The following WDTC1 variants were observed in gnomAD, a reference collection of about 807,000 sequenced individuals.
WDTC1 encodes the protein WD and tetratricopeptide repeats 1.
In WDTC1, 12 loss-of-function variants were observed where a neutral mutation model predicts 76.0. The ratio of observed to expected loss-of-function variants is 0.16; its 90% CI spans 0.10 to 0.26. The LOEUF is 0.26. Ranked by LOEUF, WDTC1 falls within the 10% of genes least tolerant of loss-of-function variation. WDTC1 has a pLI of 1.00. For synonymous variants in WDTC1, 326 were observed against 350.8 expected (o/e 0.93, Z 0.79); for missense variants, 511 against 908.8 (o/e 0.56, Z 5.63).
At chr1:27,239,478 C>T (rs1010635178) in intron 1 of WDTC1, among the ~76,000 whole-genome samples, 6 of 141,474 alleles carry the variant, frequency 4.2e-5, no homozygotes, top group East Asian at 2.1e-4. Context: ...GCCAAGACTG[C>T]GCTACTGAAC....
At chr1:27,288,972 G>A (rs1473566117) in intron 6 of WDTC1, among the ~76,000 whole-genome samples, 2 of 101,134 alleles carry the variant, frequency 2.0e-5, no homozygotes, top group Non-Finnish European at 4.5e-5. Flanking sequence ...GGCTGGCCGG[G>A]CGGGGGGCTG....
At chr1:27,241,903 T>G (rs945134512) in intron 1 of WDTC1, among the ~76,000 whole-genome samples, 4 of 151,612 alleles carry the variant, frequency 2.6e-5, no homozygotes, top group Middle Eastern at 3.4e-3. Context: ...TTTTTTTGTT[T>G]TTTTTTTTTT....
intron 1 of WDTC1, among the ~76,000 whole-genome samples, chr1:27,242,171 G>A (rs2011648491): frequency 1.3e-5 from 2 of 151,866 alleles, no homozygotes; most frequent in Non-Finnish European, 2.9e-5. Flanking sequence ...GGATTACGGG[G>A]ATGAGCCACC....
In WDTC1 at chr1:27,297,946, T is replaced by C. The variant is rs770633972; in HGVS notation, c.1067T>C (p.Val356Ala). 2 of 1,610,366 alleles carry C rather than the reference T, an allele frequency of 1.2e-6. No individual in the cohort carries two copies. Among genetic ancestry groups the C allele is most frequent in the Non-Finnish European group, 1.7e-6 (2 of 1,177,640 alleles). ...CTCTATTTCCCCTGCAGCCCCCAAGTAGAGCTACCACCATACCTGGAGCGT... is the reference window on the plus strand; with the variant it reads ...CTCTATTTCCCCTGCAGCCCCCAAGCAGAGCTACCACCATACCTGGAGCGT... ...PESRGHVSPQ[V>A]ELPPYLERVK... Residue 356 changes from valine (V) to alanine (A), a missense_variant, in exon 12 of 16, where the codon GTA becomes GCA. By Grantham distance (64) the Val-to-Ala change is moderately conservative. Transcript: ENST00000319394.
At chr1:27,278,880 T>C (rs2013109698) in intron 3 of WDTC1, among the ~76,000 whole-genome samples, 1 of 151,830 alleles carries the variant, frequency 6.6e-6, no homozygotes, top group Admixed American at 6.6e-5. Context: ...AAGGCCAACA[T>C]GGCAAAACCC....
chr1:27,272,063 T>C (rs1570961469), intron 3 of WDTC1, among the ~76,000 whole-genome samples: 1 of 150,430 alleles, frequency 6.6e-6, no homozygotes, highest in African/African-American at 2.4e-5. Flanking sequence ...CTGGCCAACA[T>C]GGTGAAACCC....
At chr1:27,304,830 G>A in intron 14 of WDTC1, 171 bp from the exon 15 acceptor site, 1 of 617,074 alleles carries the variant, frequency 1.6e-6, no homozygotes, top group Non-Finnish European at 2.7e-6. Flanking sequence ...AGAGAACAGT[G>A]ACCAGGGCTA....
At chr1:27,257,991 A>G (rs960217816) in intron 1 of WDTC1, among the ~76,000 whole-genome samples, 2 of 151,922 alleles carry the variant, frequency 1.3e-5, no homozygotes, top group Non-Finnish European at 2.9e-5. Context: ...GGGTTTCACC[A>G]TATTGGCCAG....
intron 1 of WDTC1, among the ~76,000 whole-genome samples, chr1:27,253,334 C>CTTCTTCTTCTTTCTTCTTTCTTCT (rs1557481290): frequency 2.1e-4 from 32 of 150,646 alleles, no homozygotes; most frequent in Non-Finnish European, 3.4e-4. Flanking sequence ...TCTGTTTCTG[C>CTTCTTCTTCTTTCTTCTTTCTTCT]TTCTTCTTCT....
intron 5 of WDTC1, among the ~76,000 whole-genome samples, chr1:27,284,482 C>T (rs1015747838): frequency 8.5e-5 from 13 of 152,274 alleles, no homozygotes; most frequent in Non-Finnish European, 1.6e-4. Context: ...TTTTCCTAAA[C>T]CCTTTTTTCT....
chr1:27,254,355 G>C lies in WDTC1; in HGVS notation c.-99-6601G>C, dbSNP rs141665043. ...CTCACGCCTGTAATCCCAGCACTTT[G>C]GGAAGTAAAGGCAGGTGGATCAATT... On this transcript the variant is annotated intron_variant, in intron 1 of 15. Transcript: ENST00000319394. Among the ~76,000 whole-genome samples, 274 of 152,198 alleles carry C rather than the reference G, an allele frequency of 1.8e-3. 2 individuals carry two copies. Among genetic ancestry groups the C allele is most frequent in the African/African-American group, 6.4e-3 (266 of 41,548 alleles).
intron 3 of WDTC1, among the ~76,000 whole-genome samples, chr1:27,268,280 C>T (rs1012934331): frequency 6.6e-6 from 1 of 151,906 alleles, no homozygotes; most frequent in African/African-American, 2.4e-5. Context: ...TGTCTCTATA[C>T]CATCAAAAAT....
intron 9 of WDTC1, among the ~76,000 whole-genome samples, chr1:27,295,540 G>A (rs960047255): frequency 6.6e-6 from 1 of 151,182 alleles, no homozygotes; most frequent in African/African-American, 2.4e-5. Context: ...TGCAACCTCC[G>A]CTCTGCCTCC....
intron 6 of WDTC1, among the ~76,000 whole-genome samples, chr1:27,288,850 T>A (rs1362644789): frequency 2.6e-5 from 4 of 152,128 alleles, no homozygotes; most frequent in African/African-American, 9.7e-5. Context: ...TGGCCCGTTC[T>A]CAATGAGCTG....
intron 10 of WDTC1, 87 bp downstream of exon 10, chr1:27,296,488 T>A (rs2013688901): frequency 7.1e-7 from 1 of 1,409,714 alleles, no homozygotes; most frequent in Non-Finnish European, 1.0e-6. Context: ...TGCCCTTTAC[T>A]CTGGACCGTG....
chr1:27,286,933 C>A (rs182858565), intron 5 of WDTC1, among the ~76,000 whole-genome samples: 1 of 152,128 alleles, frequency 6.6e-6, no homozygotes, highest in East Asian at 2.0e-4. Flanking sequence ...GAGGCCAAGG[C>A]AGGTGGATCA....
intron 3 of WDTC1, among the ~76,000 whole-genome samples, chr1:27,278,249 C>T (rs1391766377): frequency 6.6e-6 from 1 of 152,120 alleles, no homozygotes; most frequent in Non-Finnish European, 1.5e-5. Flanking sequence ...TCTAGTGATT[C>T]AATGGTAGAA....
At chr1:27,244,458 C>T (rs546271128) in intron 1 of WDTC1, among the ~76,000 whole-genome samples, 1 of 152,274 alleles carries the variant, frequency 6.6e-6, no homozygotes, top group South Asian at 2.1e-4. Context: ...CCTCCTGCCT[C>T]AGCCTTCCTA....
intron 1 of WDTC1, among the ~76,000 whole-genome samples, chr1:27,258,529 C>CAAAA (rs113977595): frequency 0.022 from 2,611 of 120,886 alleles, 88 homozygotes; most frequent in Admixed American, 0.05. Flanking sequence ...AAGACTCTGC[C>CAAAA]AAAAAAAAAA....
Sources: gnomAD v4.1 joint callset for allele counts (sites outside exome capture counted in the v4.1 genomes callset) on GRCh38, gnomAD v4.1.1 for gene constraint, MANE v1.5 for transcripts, NCBI Gene and HGNC (gene_info 2026-07-23, HGNC 2026-07-21) for gene names.